The following OR14I1 variants were observed in gnomAD, a reference collection of about 807,000 sequenced individuals.
OR14I1 encodes olfactory receptor 14I1.
For synonymous variants in OR14I1, 118 were observed against 71.1 expected, an observed-to-expected ratio of 1.66 and a Z score of -3.32; for missense variants, 279 against 181.8, an observed-to-expected ratio of 1.53 and a Z score of -3.07.
At chr1:248,678,314 A>G (rs1661507756), downstream of OR14I1, among the ~76,000 whole-genome samples, 2 of 152,240 alleles carry the variant, frequency 1.3e-5, no homozygotes, top group Non-Finnish European at 2.9e-5. Context: ...TCAACATCAG[A>G]ATATACTTTT....
chr1:248,698,763 T>A, the OR14I1 span: 3 of 152,240 alleles, frequency 2.0e-5, no homozygotes, highest in Non-Finnish European at 4.4e-5. Flanking sequence ...GAGTGTGACT[T>A]GACTTATATC....
At chr1:248,689,668 A>G in the OR14I1 span, among the ~76,000 whole-genome samples, 9 of 152,190 alleles carry the variant, frequency 5.9e-5, no homozygotes, top group Admixed American at 6.5e-5. Context: ...AACTTTACCA[A>G]TGAGACAGAA....
At chr1:248,700,684 T>C in the OR14I1 span, among the ~76,000 whole-genome samples, 1 of 152,252 alleles carries the variant, frequency 6.6e-6, no homozygotes, top group Non-Finnish European at 1.5e-5. Context: ...CATTTATTTA[T>C]AGCTTTGTTC....
At chr1:248,694,377 C>T in the OR14I1 span, among the ~76,000 whole-genome samples, 2 of 151,966 alleles carry the variant, frequency 1.3e-5, no homozygotes, top group Non-Finnish European at 2.9e-5. Context: ...ATGCCTATGA[C>T]GTATATTATC....
At chr1:248,697,478 A>G in the OR14I1 span, among the ~76,000 whole-genome samples, 1 of 66,634 alleles carries the variant, frequency 1.5e-5, no homozygotes, top group Non-Finnish European at 2.5e-5. Flanking sequence ...GGTTAGGTTT[A>G]AAAAAAAAAA....
the OR14I1 span, chr1:248,691,864 C>T: frequency 6.6e-6 from 1 of 152,286 alleles, no homozygotes; most frequent in African/African-American, 2.4e-5. Flanking sequence ...TCCCGCGGGC[C>T]CACAGCGCGC....
At chr1:248,694,178 C>T in the OR14I1 span, among the ~76,000 whole-genome samples, 2 of 152,190 alleles carry the variant, frequency 1.3e-5, no homozygotes, top group Admixed American at 6.5e-5. Context: ...CCCTCCTTTG[C>T]TCTGCTGATC....
the OR14I1 span, among the ~76,000 whole-genome samples, chr1:248,694,568 T>G: frequency 2.0e-5 from 3 of 152,170 alleles, no homozygotes; most frequent in Admixed American, 6.5e-5. Flanking sequence ...AAGTACATCT[T>G]GAAGAGCTTT....
the OR14I1 span, among the ~76,000 whole-genome samples, chr1:248,699,549 G>A: frequency 6.6e-6 from 1 of 152,116 alleles, no homozygotes; most frequent in Non-Finnish European, 1.5e-5. Context: ...AGGAGGAGTG[G>A]GGGAGAGGAA....
the OR14I1 span, among the ~76,000 whole-genome samples, chr1:248,695,808 T>C: frequency 2.0e-5 from 3 of 152,164 alleles, no homozygotes; most frequent in Non-Finnish European, 2.9e-5. Flanking sequence ...TTAAAAGAAA[T>C]ACAGTAAGCT....
At chr1:248,684,140 C>G (rs750773703), upstream of OR14I1, among the ~76,000 whole-genome samples, 1 of 152,184 alleles carries the variant, frequency 6.6e-6, no homozygotes, top group Non-Finnish European at 1.5e-5. Context: ...AAACGACAAA[C>G]TATAAAAACA....
At chr1:248,696,960 G>A in the OR14I1 span, 2 of 152,190 alleles carry the variant, frequency 1.3e-5, 1 homozygote, top group South Asian at 4.1e-4. Context: ...TCTAGCGGCT[G>A]TTCTATGAGA....
At chr1:248,682,243 A>C in exon 1 of OR14I1, 1 of 775,596 alleles carries the variant, frequency 1.3e-6, no homozygotes, top group Non-Finnish European at 2.4e-6. Flanking sequence ...CAGCACCTGC[A>C]GCTCCCAGAT....
At chr1:248,682,766 CAG>C (rs1312584869), upstream of OR14I1, among the ~76,000 whole-genome samples, 1 of 152,122 alleles carries the variant, frequency 6.6e-6, no homozygotes, top group Non-Finnish European at 1.5e-5. Context: ...ACATCCTGGG[CAG>C]AGTCAACTGT....
At chr1:248,698,382 A>G in the OR14I1 span, among the ~76,000 whole-genome samples, 1 of 152,288 alleles carries the variant, frequency 6.6e-6, no homozygotes, top group African/African-American at 2.4e-5. Flanking sequence ...TTTTATGGCT[A>G]TTGCTAGTTC....
upstream of OR14I1, among the ~76,000 whole-genome samples, chr1:248,685,364 G>C (rs1333305826): frequency 6.6e-6 from 1 of 152,046 alleles, no homozygotes; most frequent in African/African-American, 2.4e-5. Flanking sequence ...GTAATAAAAT[G>C]GTTGTTAATT....
the OR14I1 span, chr1:248,692,846 C>T: frequency 6.6e-6 from 1 of 152,244 alleles, no homozygotes; most frequent in African/African-American, 2.4e-5. Context: ...TAGTAAAGGG[C>T]TGACACAATG....
chr1:248,684,757 C>CATAT (rs376621560), upstream of OR14I1, among the ~76,000 whole-genome samples: 496 of 145,130 alleles, frequency 3.4e-3, 7 homozygotes, highest in African/African-American at 0.012. Context: ...CACACACATA[C>CATAT]ATATATATAT....
upstream of OR14I1, among the ~76,000 whole-genome samples, chr1:248,685,778 A>T (rs1259703682): frequency 2.7e-5 from 4 of 150,458 alleles, no homozygotes; most frequent in African/African-American, 9.7e-5. Context: ...ATATATATGT[A>T]TATATAGTTG....
Sources: gnomAD v4.1 joint callset for allele counts (sites outside exome capture counted in the v4.1 genomes callset) on GRCh38, gnomAD v4.1.1 for gene constraint, MANE v1.5 for transcripts, NCBI Gene and HGNC (gene_info 2026-07-23, HGNC 2026-07-21) for gene names.